Variants in C17orf50 observed in about 807,000 individuals in gnomAD.
C17orf50 encodes uncharacterized protein C17orf50.
Under a neutral mutation model 17.7 loss-of-function variants are expected in C17orf50, and 16 were observed. The observed-to-expected ratio is 0.90, with a 90% CI of 0.61 to 1.37. The LOEUF is 1.37. C17orf50 is among the 40% of genes most tolerant of loss of function. The pLI, the probability that C17orf50 is intolerant of heterozygous loss-of-function variation, is 0.00. For synonymous variants in C17orf50, 125 were observed against 111.0 expected, an observed-to-expected ratio of 1.13 and a Z score of -0.80; for missense variants, 271 against 240.7, an observed-to-expected ratio of 1.13 and a Z score of -0.83.
intron 1 of C17orf50, among the ~76,000 whole-genome samples, chr17:35,762,059 C>T (rs2085831459): frequency 6.6e-6 from 1 of 152,078 alleles, no homozygotes; most frequent in Non-Finnish European, 1.5e-5. Context: ...GGCGTGATCT[C>T]GGTAAACCAC....
At chr17:35,762,421 T>A (rs1440737675) in intron 1 of C17orf50, among the ~76,000 whole-genome samples, 1 of 152,182 alleles carries the variant, frequency 6.6e-6, no homozygotes, top group East Asian at 1.9e-4. Context: ...TGGTGAATGT[T>A]TGCTGAATGG....
Position 35,764,486 on chromosome 17 carries a change from C to CG in C17orf50, c.398dup (p.Cys134LeufsTer34). 3 of 1,574,926 alleles carry CG rather than the reference C, an allele frequency of 1.9e-6. No individual in the cohort carries two copies. The highest frequency in any genetic ancestry group is 2.6e-6 in the Non-Finnish European group (3 of 1,163,058). ...AGATCCGGCGACGACCGCCGCGCCG[C>CG]GGGGGCTGTGCTTGCTGCGAGCTCC... On this transcript the variant is annotated frameshift_variant, in exon 3 of 3. Transcript: ENST00000605587. LOFTEE classifies it high-confidence loss of function.
In C17orf50 at chr17:35,764,001, C is replaced by T. The variant is rs1031403523; in HGVS notation, c.14-6C>T. ...AGGACTGCCCTGACCTCCTCCCGGC[C>T]CGCAGGTGTGAAGACCCCCTTGTGG... On this transcript the variant is annotated splice_region_variant and splice_polypyrimidine_tract_variant and intron_variant, in intron 1 of 2. Coordinates refer to ENST00000605587, the MANE Select transcript of C17orf50 (RefSeq NM_145272.4). 3.3e-6 allele frequency: 5 copies of T among 1,533,378 alleles called. No individual in the cohort carries two copies. Among genetic ancestry groups the T allele is most frequent in the Non-Finnish European group, 4.4e-6 (5 of 1,135,754 alleles). 95.0% of individuals were successfully genotyped at this position (1,533,378 alleles called of 1,614,324 possible).
chr17:35,760,914 G>A lies in C17orf50; in HGVS notation c.-28G>A, dbSNP rs782557631. On this transcript the variant is annotated 5_prime_UTR_variant, in exon 1 of 3. Coordinates refer to ENST00000605587, the MANE Select transcript of C17orf50 (RefSeq NM_145272.4). ...CCTCTCACATCCCAGTCTCTGATCA[G>A]GGAAAGCAGGGCACAGCCTTGGGAA... The A allele has an allele frequency of 6.2e-7, 1 of 1,613,590 alleles. No homozygotes were observed. The highest frequency in any genetic ancestry group is 8.5e-7 in the Non-Finnish European group (1 of 1,179,948).
In C17orf50 at chr17:35,764,283, G is replaced by A. The variant is rs1399881142; in HGVS notation, c.290G>A (p.Gly97Asp). 7 of 1,526,782 alleles carry A rather than the reference G, an allele frequency of 4.6e-6. No individual in the cohort carries two copies. The highest frequency in any genetic ancestry group is 6.1e-6 in the Non-Finnish European group (7 of 1,138,712). 94.6% of individuals were successfully genotyped at this position (1,526,782 alleles called of 1,614,324 possible). Residue 97 changes from glycine to aspartate, a missense_variant, in exon 2 of 3, where the codon GGC becomes GAC. Physicochemically the swap from Gly to Asp is moderately conservative, Grantham distance 94 (BLOSUM62 -1). Coordinates refer to ENST00000605587, the MANE Select transcript of C17orf50 (RefSeq NM_145272.4). ...GACAGCGGCTTCTGGGGCTGGCTCG[G>A]CCCCTTAGCGCTGCTGGGCGGCCTA... The part of the protein sequence containing the change: ...RADSGFWGWL[G>D]PLALLGGLTA...
rs1212043204 is a variant in C17orf50 at position 35,764,065 on chromosome 17, G to A, written c.72G>A (p.Glu24=). The change falls in exon 2 of 3, where the codon GAG becomes GAA. Residue 24 remains glutamate (E), a synonymous_variant. Transcript: ENST00000605587. ...AAGAGCTCCGGGCCGAGGACGCGGA[G>A]CAAGAGGAAGGGAAGGAGGGGTCGG... ...ETEELRAEDA[E]QEEGKEGSED... 1 of 1,550,136 alleles carries A rather than the reference G, an allele frequency of 6.5e-7. No individual in the cohort carries two copies. The highest frequency in any genetic ancestry group is 8.7e-7 in the Non-Finnish European group (1 of 1,146,712).
Position 35,764,893 on chromosome 17 carries a change from C to T in C17orf50, c.*275C>T, listed in dbSNP as rs907595281. The T allele has an allele frequency of 3.6e-6, 1 of 275,984 alleles. No individual in the cohort carries two copies. Among genetic ancestry groups the T allele is most frequent in the Admixed American group, 5.7e-5 (1 of 17,566 alleles). The allele number at this position is 275,984 out of a possible 1,614,324, so 17.1% of individuals were successfully genotyped here. A position where few individuals can be genotyped will look rare whatever the true frequency, so the allele number is the denominator to read the frequency against. On this transcript the variant is annotated 3_prime_UTR_variant, in exon 3 of 3. Coordinates refer to ENST00000605587, the MANE Select transcript of C17orf50 (RefSeq NM_145272.4). ...GCTCCCCGCCCCCACGCAGCACCAG[C>T]GCCACCGCACACCTGACTCTGTCCG...
intron 1 of C17orf50, 114 bp from the exon 2 acceptor site, chr17:35,763,893 T>C (rs2085874886): frequency 5.3e-6 from 4 of 754,292 alleles, no homozygotes; most frequent in South Asian, 6.4e-5. Flanking sequence ...AGAGACCCTG[T>C]CTCAAAATAA....
chr17:35,762,279 C>T (rs1598406310), intron 1 of C17orf50, among the ~76,000 whole-genome samples: 1 of 152,126 alleles, frequency 6.6e-6, no homozygotes, highest in Non-Finnish European at 1.5e-5. Flanking sequence ...CATGAGCCAC[C>T]GTGCCCCGCC....
At chr17:35,762,289 C>T (rs2085836391) in intron 1 of C17orf50, among the ~76,000 whole-genome samples, 1 of 152,224 alleles carries the variant, frequency 6.6e-6, no homozygotes, top group Non-Finnish European at 1.5e-5. Flanking sequence ...CGTGCCCCGC[C>T]TAGAAATGTT....
Position 35,764,204 on chromosome 17 carries a change from T to C in C17orf50, c.211T>C (p.Cys71Arg). The C allele has an allele frequency of 6.5e-7, 1 of 1,547,516 alleles. No homozygotes were observed. The highest frequency in any genetic ancestry group is 1.2e-5 in the South Asian group (1 of 83,820). ...CCGCGAGCGGCGCTCAGTGTCCTAC[T>C]GCCCGCTGCGCCAGGAGTCCAGCAC... ...EGRERRSVSY[C>R]PLRQESSTQQ... Residue 71 changes from cysteine (C) to arginine (R), a missense_variant, in exon 2 of 3, where the codon TGC (cysteine) becomes CGC (arginine). Coordinates refer to ENST00000605587, the MANE Select transcript of C17orf50 (RefSeq NM_145272.4).
In C17orf50 at chr17:35,764,173, C is replaced by A; in HGVS notation, c.180C>A (p.Gly60=). 1.3e-6 allele frequency: 2 copies of A among 1,548,402 alleles called. No homozygotes were observed. The highest frequency in any genetic ancestry group is 1.7e-6 in the Non-Finnish European group (2 of 1,146,648). Reference sequence around the variant, plus strand: ...AGCCGCCGCGGGTAGCGGAGGAGGGCGAAGGCCGCGAGCGGCGCTCAGTGT... The same window carrying A: ...AGCCGCCGCGGGTAGCGGAGGAGGGAGAAGGCCGCGAGCGGCGCTCAGTGT... ...GEEPPRVAEE[G]EGRERRSVSY... is the part of the protein sequence containing the mutation. The change falls in exon 2 of 3, where the codon GGC becomes GGA. Residue 60 remains glycine, a synonymous_variant. Transcript: ENST00000605587.
Position 35,764,040 on chromosome 17 carries a change from A to T in C17orf50, c.47A>T (p.Glu16Val). Reference sequence around the variant, plus strand: ...ACCCCCTTGTGGAAGAAGGAAACGGAAGAGCTCCGGGCCGAGGACGCGGAG... The same window carrying T: ...ACCCCCTTGTGGAAGAAGGAAACGGTAGAGCTCCGGGCCGAGGACGCGGAG... ...VKTPLWKKET[E>V]ELRAEDAEQE... The change falls in exon 2 of 3, where the codon GAA (glutamate) becomes GTA (valine). Residue 16 changes from glutamate (E) to valine (V), a missense_variant. Glu to Val is a moderately radical substitution (Grantham distance 121, BLOSUM62 -2). Coordinates refer to ENST00000605587, the MANE Select transcript of C17orf50 (RefSeq NM_145272.4). The T allele has an allele frequency of 6.5e-7, 1 of 1,548,336 alleles. No individual in the cohort carries two copies. Among genetic ancestry groups the T allele is most frequent in the Non-Finnish European group, 8.7e-7 (1 of 1,145,702 alleles).
intron 1 of C17orf50, among the ~76,000 whole-genome samples, chr17:35,763,626 G>GCC (rs1313209476): frequency 1.3e-5 from 2 of 151,840 alleles, no homozygotes; most frequent in Admixed American, 6.6e-5. Context: ...GCCGGGTGCA[G>GCC]TGACTCACGC....
chr17:35,764,344 A>G lies in C17orf50; in HGVS notation c.332+19A>G. The G allele has an allele frequency of 1.4e-6, 2 of 1,460,164 alleles. No homozygotes were observed. The highest frequency in any genetic ancestry group is 1.8e-6 in the Non-Finnish European group (2 of 1,112,474). The allele number at this position is 1,460,164 out of a possible 1,614,324, so 90.5% of individuals were successfully genotyped here. ...CCGACAGGTGCCTGCGCGCTCCTCG[A>G]CCGGGGCACGAGGGAGGCGGTGCCC... On this transcript the variant is annotated intron_variant, in intron 2 of 2. Coordinates refer to ENST00000605587, the MANE Select transcript of C17orf50 (RefSeq NM_145272.4).
chr17:35,764,743 T>A lies in C17orf50; in HGVS notation c.*125T>A, dbSNP rs1568124281. 2.8e-6 allele frequency: 3 copies of A among 1,068,296 alleles called. No individual in the cohort carries two copies. The highest frequency in any genetic ancestry group is 6.3e-5 in the East Asian group (2 of 31,688). 66.2% of individuals were successfully genotyped at this position (1,068,296 alleles called of 1,614,324 possible). A position where few individuals can be genotyped will look rare whatever the true frequency, so the allele number is the denominator to read the frequency against. ...CGCAGGACCGCCCCTTCTCAGCTGCTGCCCAGAGCGCCCCCATCCGTCAAG... is the reference window on the plus strand; with the variant it reads ...CGCAGGACCGCCCCTTCTCAGCTGCAGCCCAGAGCGCCCCCATCCGTCAAG... On this transcript the variant is annotated 3_prime_UTR_variant, in exon 3 of 3. Transcript: ENST00000605587.
intron 1 of C17orf50, among the ~76,000 whole-genome samples, chr17:35,761,376 C>G (rs1449631346): frequency 1.3e-5 from 2 of 150,932 alleles, no homozygotes; most frequent in Non-Finnish European, 2.9e-5. Context: ...CTCCCAAAGT[C>G]CTGGGATTAC....
At chr17:35,761,515 G>A (rs1345224400) in intron 1 of C17orf50, among the ~76,000 whole-genome samples, 3 of 152,068 alleles carry the variant, frequency 2.0e-5, no homozygotes, top group Non-Finnish European at 4.4e-5. Flanking sequence ...CCAGGCACAA[G>A]TGATTCTCCT....
chr17:35,764,154 C>T lies in C17orf50; in HGVS notation c.161C>T (p.Pro54Leu), dbSNP rs1401559901. ...EDSATEGEEP[P>L]RVAEEGEGRE... The stretch of plus-strand genomic sequence containing the variant: ...AGCGCGACGGAGGGCGAGGAGCCGC[C>T]GCGGGTAGCGGAGGAGGGCGAAGGC... Residue 54 changes from proline (P) to leucine (L), a missense_variant, in exon 2 of 3, where the codon CCG becomes CTG. Physicochemically the swap from Pro to Leu is moderately conservative, Grantham distance 98 (BLOSUM62 -3). Coordinates refer to ENST00000605587, the MANE Select transcript of C17orf50 (RefSeq NM_145272.4). The T allele has an allele frequency of 6.5e-7, 1 of 1,548,980 alleles. No individual in the cohort carries two copies. The highest frequency in any genetic ancestry group is 2.4e-5 in the East Asian group (1 of 40,900).
Sources: allele counts gnomAD v4.1 joint callset (sites outside exome capture counted in the v4.1 genomes callset), GRCh38; gene constraint gnomAD v4.1.1; transcripts MANE v1.5; gene names NCBI Gene and HGNC (gene_info 2026-07-23, HGNC 2026-07-21).